The following BMPR1B variants were observed in gnomAD, a reference collection of about 807,000 sequenced individuals.
The protein encoded by BMPR1B is bone morphogenetic protein receptor type 1B, also known as bone morphogenetic protein receptor type-1B.
Under a neutral mutation model 59.1 loss-of-function variants are expected in BMPR1B, and 12 were observed. The ratio of observed to expected loss-of-function variants is 0.20; its 90% CI spans 0.13 to 0.33. The LOEUF (loss-of-function observed/expected upper bound fraction) is 0.33. Ranked by LOEUF, BMPR1B falls within the 10% of genes least tolerant of loss-of-function variation. The pLI is 1.00. For missense variants in BMPR1B, 550 were observed against 610.9 expected, an observed-to-expected ratio of 0.90 and a Z score of 1.05; for synonymous variants, 237 against 207.3, an observed-to-expected ratio of 1.14 and a Z score of -1.23.
At chr4:94,910,376 G>A (rs1042416126) in intron 2 of BMPR1B, among the ~76,000 whole-genome samples, 13 of 152,214 alleles carry the variant, frequency 8.5e-5, no homozygotes, top group Non-Finnish European at 1.9e-4. Context: ...TGTCTCAGGT[G>A]ATAGTAGTGC....
chr4:94,922,822 A>G (rs1331467835), intron 2 of BMPR1B, among the ~76,000 whole-genome samples: 1 of 152,136 alleles, frequency 6.6e-6, no homozygotes. Flanking sequence ...AAATGTTAAA[A>G]TACCTTTACA....
At chr4:94,791,477 G>T (rs1722987069) in intron 1 of BMPR1B, among the ~76,000 whole-genome samples, 1 of 152,118 alleles carries the variant, frequency 6.6e-6, no homozygotes, top group Non-Finnish European at 1.5e-5. Flanking sequence ...TTATGTCTCA[G>T]TTATGCTCTT....
At chr4:94,766,452 A>T (rs1721971922) in intron 1 of BMPR1B, among the ~76,000 whole-genome samples, 1 of 151,370 alleles carries the variant, frequency 6.6e-6, no homozygotes, top group South Asian at 2.1e-4. Flanking sequence ...TAAAGATAAA[A>T]ATGAATGCTT....
intron 9 of BMPR1B, 111 bp downstream of exon 9, chr4:95,130,165 A>G: frequency 7.6e-7 from 1 of 1,323,548 alleles, no homozygotes; most frequent in Non-Finnish European, 1.1e-6. Flanking sequence ...AATGTATTGA[A>G]GTTTTCTTCT....
intron 10 of BMPR1B, among the ~76,000 whole-genome samples, chr4:95,147,438 C>G (rs959982657): frequency 6.6e-6 from 1 of 151,968 alleles, no homozygotes; most frequent in Non-Finnish European, 1.5e-5. Flanking sequence ...CCTGAAGCCA[C>G]TAGTGTTTTG....
At chr4:94,908,061 TAAAAAAAAAAAAAAAAA>T (rs571793477) in intron 2 of BMPR1B, among the ~76,000 whole-genome samples, 1 of 46,254 alleles carries the variant, frequency 2.2e-5, no homozygotes, top group African/African-American at 7.2e-5. Context: ...ACCCTGTCTT[TAAAAAAAAAAAAAAAAA>T]AAAAAAAAAA....
chr4:95,135,215 G>A (rs886191643), intron 10 of BMPR1B, among the ~76,000 whole-genome samples: 5 of 152,098 alleles, frequency 3.3e-5, no homozygotes, highest in Admixed American at 2.0e-4. Context: ...TGTTCCATTG[G>A]TCTATATCTC....
intron 10 of BMPR1B, among the ~76,000 whole-genome samples, chr4:95,138,184 G>A (rs1333572579): frequency 6.7e-6 from 1 of 149,476 alleles, no homozygotes; most frequent in Non-Finnish European, 1.5e-5. Flanking sequence ...TTGGCTGGAT[G>A]TGAAATTCTG....
intron 8 of BMPR1B, among the ~76,000 whole-genome samples, chr4:95,125,411 T>G (rs547623005): frequency 1.1e-4 from 16 of 152,190 alleles, no homozygotes; most frequent in Non-Finnish European, 2.1e-4. Context: ...GTGTTTTCCA[T>G]AAGGATAGCA....
At chr4:94,978,856 T>C (rs1013315576) in intron 2 of BMPR1B, among the ~76,000 whole-genome samples, 5 of 151,908 alleles carry the variant, frequency 3.3e-5, no homozygotes, top group African/African-American at 1.2e-4. Flanking sequence ...CGGTTCCACA[T>C]GGCTGGGGAG....
intron 2 of BMPR1B, among the ~76,000 whole-genome samples, chr4:94,977,281 A>C (rs777494011): frequency 6.6e-6 from 1 of 152,144 alleles, no homozygotes; most frequent in African/African-American, 2.4e-5. Flanking sequence ...TCTGTCTTAA[A>C]GGATGTATAA....
intron 1 of BMPR1B, among the ~76,000 whole-genome samples, chr4:94,775,097 T>C (rs1479617269): frequency 6.6e-6 from 1 of 152,220 alleles, no homozygotes; most frequent in East Asian, 1.9e-4. Context: ...TCTGAGTTTG[T>C]ATTCCAGCTT....
chr4:95,009,891 G>A lies in BMPR1B; in HGVS notation c.-18+13757G>A, dbSNP rs191443695. Among the ~76,000 whole-genome samples the A allele has an allele frequency of 6.4e-4, 98 of 152,248 alleles. 1 individual carries two copies. Among genetic ancestry groups the A allele is most frequent in the Middle Eastern group, 3.4e-3 (1 of 294 alleles). On this transcript the variant is annotated intron_variant, in intron 3 of 12. Transcript: ENST00000515059. The stretch of plus-strand genomic sequence containing the variant: ...TCACTGAAGAGGAGTTCCTCTTTCC[G>A]TGTGGAGAATGATGAACTGAAGTTG...
chr4:94,842,445 T>C (rs1006171377), intron 1 of BMPR1B, among the ~76,000 whole-genome samples: 11 of 152,328 alleles, frequency 7.2e-5, no homozygotes, highest in African/African-American at 2.6e-4. Context: ...TCATAAAATA[T>C]TTTCCACTTT....
intron 1 of BMPR1B, among the ~76,000 whole-genome samples, chr4:94,793,756 C>T (rs1281989625): frequency 3.2e-3 from 475 of 147,658 alleles, no homozygotes; most frequent in Non-Finnish European, 6.0e-3. Context: ...ATTTGCATTT[C>T]TCTGATGGCC....
At chr4:94,978,337 A>G (rs1222273824) in intron 2 of BMPR1B, among the ~76,000 whole-genome samples, 1 of 152,196 alleles carries the variant, frequency 6.6e-6, no homozygotes, top group Non-Finnish European at 1.5e-5. Context: ...AGGGTCTCTC[A>G]TGCATTTGCA....
intron 3 of BMPR1B, among the ~76,000 whole-genome samples, chr4:95,067,963 G>A (rs1263585035): frequency 6.6e-6 from 1 of 152,160 alleles, no homozygotes; most frequent in East Asian, 1.9e-4. Flanking sequence ...GCAAAGAAAG[G>A]AAGTAAACAA....
At chr4:95,020,784 C>G (rs1318385458) in intron 3 of BMPR1B, among the ~76,000 whole-genome samples, 2 of 152,134 alleles carry the variant, frequency 1.3e-5, no homozygotes, top group Admixed American at 1.3e-4. Flanking sequence ...GCCTCCAACT[C>G]CAGCCTTGAA....
intron 2 of BMPR1B, among the ~76,000 whole-genome samples, chr4:94,909,968 C>T (rs1239487948): frequency 2.0e-5 from 3 of 151,702 alleles, no homozygotes; most frequent in African/African-American, 7.3e-5. Context: ...TTTTGTTTGC[C>T]AACACCCTCA....
Sources: allele counts gnomAD v4.1 joint callset (sites outside exome capture counted in the v4.1 genomes callset), GRCh38; gene constraint gnomAD v4.1.1; transcripts MANE v1.5; gene names NCBI Gene and HGNC (gene_info 2026-07-23, HGNC 2026-07-21).